MICAL2: variants seen among roughly 807,000 people sequenced by gnomAD.
MICAL2 encodes the protein [F-actin]-monooxygenase MICAL2.
In MICAL2, 77 loss-of-function variants were observed where a neutral mutation model predicts 127.3. The ratio of observed to expected loss-of-function variants is 0.60; its 90% CI spans 0.50 to 0.73. The LOEUF is 0.73. MICAL2 is among the 30% of genes least tolerant of loss of function. The pLI, the probability that MICAL2 is intolerant of heterozygous loss-of-function variation, is 0.00. For synonymous variants in MICAL2, 570 were observed against 551.1 expected, an observed-to-expected ratio of 1.03 and a Z score of -0.48; for missense variants, 1,351 against 1,434.4, an observed-to-expected ratio of 0.94 and a Z score of 0.94.
At chr11:12,294,460 C>T (rs762380183), downstream of MICAL2, 3 of 1,614,230 alleles carry the variant, frequency 1.9e-6, no homozygotes, top group Non-Finnish European at 2.5e-6. Context: ...ACCCTGCCCT[C>T]CGCACCCACA....
chr11:12,228,761 G>T (rs1317151003), intron 15 of MICAL2, among the ~76,000 whole-genome samples: 2 of 152,212 alleles, frequency 1.3e-5, no homozygotes, highest in Non-Finnish European at 2.9e-5. Flanking sequence ...CAGGGTCGGG[G>T]CTGAGGACAG....
chr11:12,155,467 T>C (rs1170898569), intron 2 of MICAL2, among the ~76,000 whole-genome samples: 1 of 152,104 alleles, frequency 6.6e-6, no homozygotes, highest in African/African-American at 2.4e-5. Context: ...TACACATACA[T>C]GTACACATGT....
Position 12,162,196 on chromosome 11 carries a change from AG to A in MICAL2, c.43del (p.Val15PhefsTer27). 1.2e-6 allele frequency: 2 copies of A among 1,614,218 alleles called. No individual in the cohort carries two copies. The highest frequency in any genetic ancestry group is 1.7e-6 in the Non-Finnish European group (2 of 1,180,046). On this transcript the variant is annotated frameshift_variant, in exon 3 of 28. Transcript: ENST00000683283. LOFTEE classifies it high-confidence loss of function. ...NEDEKQAQAG[Q>X]VFENFVQAST... Reference sequence around the variant, plus strand: ...GATGAGAAGCAGGCCCAGGCGGGGCAGGTTTTTGAGAACTTTGTCCAGGCAT... The same window carrying A: ...GATGAGAAGCAGGCCCAGGCGGGGCAGTTTTTGAGAACTTTGTCCAGGCAT...
chr11:12,354,511 G>A (rs367766862), intron 33 of MICAL2, among the ~76,000 whole-genome samples: 15 of 151,428 alleles, frequency 9.9e-5, no homozygotes, highest in South Asian at 4.2e-4. Flanking sequence ...GGTGGTGCAC[G>A]CCTGTAATCC....
At chr11:12,221,902 A>G in intron 10 of MICAL2, 143 bp downstream of exon 10, 1 of 589,528 alleles carries the variant, frequency 1.7e-6, no homozygotes, top group Admixed American at 3.2e-5. Flanking sequence ...GCCTGATTTG[A>G]TCATCAGCAT....
intron 3 of MICAL2, among the ~76,000 whole-genome samples, chr11:12,192,280 C>A (rs1859286082): frequency 1.3e-5 from 2 of 152,348 alleles, no homozygotes; most frequent in African/African-American, 4.8e-5. Context: ...GAAAAGTCAG[C>A]TCAGCAGCCT....
At chr11:12,344,024 G>A (rs543523994) in intron 32 of MICAL2, among the ~76,000 whole-genome samples, 19 of 152,286 alleles carry the variant, frequency 1.2e-4, no homozygotes, top group African/African-American at 2.9e-4. Context: ...GACCGGGCAC[G>A]ATTGGTGACA....
At chr11:12,179,221 C>T (rs527397082) in intron 3 of MICAL2, among the ~76,000 whole-genome samples, 1 of 152,166 alleles carries the variant, frequency 6.6e-6, no homozygotes, top group African/African-American at 2.4e-5. Context: ...TCTCACAGGC[C>T]GCCTTCTTGG....
chr11:12,114,691 C>T (rs1218928484), intron 1 of MICAL2, among the ~76,000 whole-genome samples: 1 of 152,194 alleles, frequency 6.6e-6, no homozygotes, highest in Non-Finnish European at 1.5e-5. Context: ...TGAACCCAGT[C>T]ACGGATTTGT....
At chr11:12,182,954 C>T (rs1208297827) in intron 3 of MICAL2, among the ~76,000 whole-genome samples, 1 of 152,178 alleles carries the variant, frequency 6.6e-6, no homozygotes, top group Admixed American at 6.5e-5. Flanking sequence ...ACCCATTAAT[C>T]ATTGTCCTCG....
At chr11:12,208,366 G>T (rs1220895642) in intron 5 of MICAL2, 7 of 452,078 alleles carry the variant, frequency 1.5e-5, no homozygotes, top group Non-Finnish European at 2.8e-5. Flanking sequence ...CTGTAATTTG[G>T]TTACCCTGTC....
chr11:12,215,161 A>G (rs1354982413), intron 7 of MICAL2, among the ~76,000 whole-genome samples: 1 of 152,246 alleles, frequency 6.6e-6, no homozygotes, highest in East Asian at 1.9e-4. Context: ...AATATAAATG[A>G]GAGCAGGACA....
At chr11:12,186,329 C>A (rs920953876) in intron 3 of MICAL2, among the ~76,000 whole-genome samples, 2 of 152,000 alleles carry the variant, frequency 1.3e-5, no homozygotes, top group African/African-American at 4.8e-5. Context: ...CAAAGTGGGC[C>A]TTAGACCCTT....
chr11:12,229,428 G>C (rs983338238), intron 15 of MICAL2, among the ~76,000 whole-genome samples: 1 of 152,188 alleles, frequency 6.6e-6, no homozygotes, highest in Non-Finnish European at 1.5e-5. Flanking sequence ...CTGTCTTCTG[G>C]GTACCAGCGG....
intron 1 of MICAL2, among the ~76,000 whole-genome samples, chr11:12,129,636 CTTTT>C (rs559528778): frequency 9.2e-5 from 9 of 97,466 alleles, no homozygotes; most frequent in African/African-American, 2.3e-4. Flanking sequence ...TCTTCTTCTT[CTTTT>C]TTTTTTTTTT....
At chr11:12,116,143 AT>A (rs35041002) in intron 1 of MICAL2, among the ~76,000 whole-genome samples, 145,918 of 151,464 alleles carry the variant, frequency 0.96, 70,536 homozygotes, top group East Asian at 1. Flanking sequence ...TGCCCAGCTA[AT>A]TTTTTTTGTA....
chr11:12,162,814 A>C (rs1460413868), intron 3 of MICAL2, among the ~76,000 whole-genome samples: 1 of 152,150 alleles, frequency 6.6e-6, no homozygotes, highest in Non-Finnish European at 1.5e-5. Flanking sequence ...CATTTTAGAG[A>C]TGGGGAAATT....
intron 3 of MICAL2, among the ~76,000 whole-genome samples, chr11:12,185,577 T>C (rs1024745668): frequency 5.3e-5 from 8 of 152,150 alleles, no homozygotes; most frequent in Admixed American, 1.3e-4. Flanking sequence ...TGTTAGGTGT[T>C]ACTGTTACCA....
chr11:12,225,101 T>C (rs1857260260), intron 13 of MICAL2, among the ~76,000 whole-genome samples: 3 of 136,260 alleles, frequency 2.2e-5, no homozygotes, highest in Non-Finnish European at 3.2e-5. Context: ...ATCACCACAC[T>C]CTTTGGAATT....
Sources: gnomAD v4.1 joint callset for allele counts (sites outside exome capture counted in the v4.1 genomes callset) on GRCh38, gnomAD v4.1.1 for gene constraint, MANE v1.5 for transcripts, NCBI Gene and HGNC (gene_info 2026-07-23, HGNC 2026-07-21) for gene names.